GLT1D1: variants seen among roughly 807,000 people sequenced by gnomAD.
The protein encoded by GLT1D1 is glycosyltransferase 1 domain-containing protein 1.
GLT1D1 carries 21 observed loss-of-function variants against 28.7 expected under a neutral mutation model. The ratio of observed to expected loss-of-function variants is 0.73; its 90% CI spans 0.52 to 1.05. The LOEUF is 1.05. Ranked by LOEUF, GLT1D1 falls within the 50% of genes least tolerant of loss-of-function variation. GLT1D1 has a pLI of 0.00. For missense variants in GLT1D1, 343 were observed against 330.6 expected (o/e 1.04, Z -0.29); for synonymous variants, 147 against 124.8 (o/e 1.18, Z -1.19).
rs939513814 is a variant in GLT1D1 at position 128,899,141 on chromosome 12, C to G, written c.324-95C>G. 9 of 867,842 alleles carry G rather than the reference C, an allele frequency of 1.0e-5. No homozygotes were observed. The South Asian group carries it at 1.3e-4, about 12-fold the overall frequency. The allele number at this position is 867,842 out of a possible 1,614,324, so 53.8% of individuals were successfully genotyped here. A position where few individuals can be genotyped will look rare whatever the true frequency, so the allele number is the denominator to read the frequency against. ...ATTGCATTTTAAATTTAGTGTCTCACGTTGTCTCTCATAATTTGTTCCAAA... is the reference window on the plus strand; with the variant it reads ...ATTGCATTTTAAATTTAGTGTCTCAGGTTGTCTCTCATAATTTGTTCCAAA... On this transcript the variant is annotated intron_variant, in intron 3 of 7. Coordinates refer to ENST00000281703, the MANE Select transcript of GLT1D1 (RefSeq NM_144669.3).
chr12:128,863,616 G>A (rs1009860174), intron 1 of GLT1D1, among the ~76,000 whole-genome samples: 1 of 152,114 alleles, frequency 6.6e-6, no homozygotes, highest in Non-Finnish European at 1.5e-5. Context: ...GACCTCAGGC[G>A]ATTCACTCGC....
At chr12:128,875,749 G>A (rs578046568) in intron 1 of GLT1D1, among the ~76,000 whole-genome samples, 165 bp from the exon 2 acceptor site, 4 of 151,958 alleles carry the variant, frequency 2.6e-5, no homozygotes, top group Admixed American at 2.6e-4. Flanking sequence ...GCAGTGAGCT[G>A]AGACTGCACC....
intron 3 of GLT1D1, among the ~76,000 whole-genome samples, chr12:128,890,670 G>A (rs867699303): frequency 6.7e-6 from 1 of 150,010 alleles, no homozygotes; most frequent in African/African-American, 2.5e-5. Context: ...CTGTAATTCC[G>A]GCTACTTGGG....
intron 4 of GLT1D1, among the ~76,000 whole-genome samples, chr12:128,905,507 T>C: frequency 6.6e-6 from 1 of 152,222 alleles, no homozygotes; most frequent in African/African-American, 2.4e-5. Context: ...GTGGAAATGT[T>C]GTCTTGGGAG....
At chr12:128,974,399 G>T (rs1020459262) in intron 7 of GLT1D1, among the ~76,000 whole-genome samples, 1 of 152,110 alleles carries the variant, frequency 6.6e-6, no homozygotes, top group Non-Finnish European at 1.5e-5. Flanking sequence ...AGAGCCCCGG[G>T]AATGGCAGGA....
At chr12:128,970,310 G>A (rs900212756) in intron 7 of GLT1D1, among the ~76,000 whole-genome samples, 3 of 152,178 alleles carry the variant, frequency 2.0e-5, no homozygotes, top group African/African-American at 7.2e-5. Context: ...TCCCAAGCCC[G>A]CCGCGCCCTC....
intron 1 of GLT1D1, among the ~76,000 whole-genome samples, chr12:128,864,646 T>G (rs1956471019): frequency 2.0e-5 from 3 of 152,148 alleles, no homozygotes; most frequent in Non-Finnish European, 4.4e-5. Context: ...TAGAGCCTGA[T>G]TCGGGGAGGA....
intron 4 of GLT1D1, among the ~76,000 whole-genome samples, chr12:128,927,368 A>G (rs113045367): frequency 0.073 from 11,172 of 152,002 alleles, 494 homozygotes; most frequent in East Asian, 0.17. Context: ...CCTCCCGAAT[A>G]GCTGGGACTA....
chr12:128,952,702 C>T (rs1016252373), intron 6 of GLT1D1, among the ~76,000 whole-genome samples: 21 of 148,412 alleles, frequency 1.4e-4, no homozygotes, highest in African/African-American at 3.7e-4. Context: ...CTTGAACTCC[C>T]GACTTCAGGT....
chr12:128,955,765 C>T (rs1004914161), intron 6 of GLT1D1, among the ~76,000 whole-genome samples: 23 of 151,896 alleles, frequency 1.5e-4, no homozygotes, highest in African/African-American at 5.3e-4. Flanking sequence ...CCACGTCAAA[C>T]GGGAGACACA....
chr12:128,951,894 G>A (rs1294782877), intron 6 of GLT1D1, among the ~76,000 whole-genome samples: 1 of 152,190 alleles, frequency 6.6e-6, no homozygotes, highest in African/African-American at 2.4e-5. Context: ...TTCATTTCAC[G>A]TCGTGAGTGG....
chr12:128,953,743 C>CT (rs3858582), intron 6 of GLT1D1, among the ~76,000 whole-genome samples: 1 of 142,734 alleles, frequency 7.0e-6, no homozygotes. Flanking sequence ...ACTAAAATAG[C>CT]TTTTTTTTTT....
chr12:128,956,327 C>A (rs1252959485), intron 6 of GLT1D1, among the ~76,000 whole-genome samples: 1 of 151,858 alleles, frequency 6.6e-6, no homozygotes. Flanking sequence ...TAACACGAAC[C>A]TATTTTATAA....
chr12:128,888,840 G>A (rs1039072490), intron 3 of GLT1D1, 96 bp downstream of exon 3: 1 of 787,892 alleles, frequency 1.3e-6, no homozygotes, highest in Non-Finnish European at 2.1e-6. Context: ...TGCCGGGAAG[G>A]TTTACATCTT....
At chr12:128,972,490 AC>A (rs887972247) in intron 7 of GLT1D1, among the ~76,000 whole-genome samples, 20 of 150,764 alleles carry the variant, frequency 1.3e-4, no homozygotes, top group Non-Finnish European at 1.8e-4. Context: ...CCGGGGAGCA[AC>A]TGTGTGACTG....
chr12:128,882,259 TGC>T (rs1957076736), intron 2 of GLT1D1, among the ~76,000 whole-genome samples: 1 of 151,594 alleles, frequency 6.6e-6, no homozygotes, highest in Non-Finnish European at 1.5e-5. Flanking sequence ...ACGGATATAT[TGC>T]AGGTATAACG....
intron 4 of GLT1D1, among the ~76,000 whole-genome samples, chr12:128,930,752 G>A (rs1191842778): frequency 6.6e-6 from 1 of 152,182 alleles, no homozygotes; most frequent in African/African-American, 2.4e-5. Context: ...AAGACTCTGG[G>A]CGCGTGTAAG....
At chr12:128,914,347 AC>A (rs1871866264) in intron 4 of GLT1D1, among the ~76,000 whole-genome samples, 1 of 151,890 alleles carries the variant, frequency 6.6e-6, no homozygotes, top group Non-Finnish European at 1.5e-5. Flanking sequence ...GGTTTGTCTA[AC>A]CCCTAACCCC....
At chr12:128,916,082 C>G (rs900689997) in intron 4 of GLT1D1, among the ~76,000 whole-genome samples, 2 of 152,144 alleles carry the variant, frequency 1.3e-5, no homozygotes, top group South Asian at 4.1e-4. Context: ...ATTAGTTTTA[C>G]CTGTTCTTGA....
Sources: gnomAD v4.1 joint callset for allele counts (sites outside exome capture counted in the v4.1 genomes callset) on GRCh38, gnomAD v4.1.1 for gene constraint, MANE v1.5 for transcripts, NCBI Gene and HGNC (gene_info 2026-07-23, HGNC 2026-07-21) for gene names.